The following ZDHHC20 variants were observed in gnomAD, a reference collection of about 807,000 sequenced individuals.
The protein encoded by ZDHHC20 is palmitoyltransferase ZDHHC20.
ZDHHC20 carries 43 observed loss-of-function variants against 57.8 expected under a neutral mutation model. The observed-to-expected ratio is 0.74, with a 90% CI of 0.58 to 0.96. The LOEUF (loss-of-function observed/expected upper bound fraction) is 0.96, where lower values mean the gene tolerates loss of function less well. Among genes scored for constraint, ZDHHC20 ranks in the 40% least tolerant of loss-of-function variants. The pLI is 0.00. For missense variants in ZDHHC20, 391 were observed against 441.1 expected, an observed-to-expected ratio of 0.89 and a Z score of 1.02; for synonymous variants, 157 against 153.0, an observed-to-expected ratio of 1.03 and a Z score of -0.19.
intron 1 of ZDHHC20, among the ~76,000 whole-genome samples, chr13:21,429,493 CTATAGG>C (rs1242247983): frequency 6.6e-6 from 1 of 152,076 alleles, no homozygotes; most frequent in Non-Finnish European, 1.5e-5. Context: ...TGTTTTTCCC[CTATAGG>C]TAAAGTGTCC....
At position 21,393,195 on chromosome 13, in the gene ZDHHC20, T is replaced by C. The variant is rs573786075; in HGVS notation, c.595-1341A>G. On this transcript the variant is annotated intron_variant, in intron 7 of 12. Transcript: ENST00000400590. ...CACATTTCTTTTCTTTTTTCTTTTT[T>C]TTTTTTTTTAAAGATACAAGGTCTT... is the stretch of plus-strand genomic sequence containing the variant. Among the ~76,000 whole-genome samples the C allele has an allele frequency of 5.3e-5, 8 of 151,918 alleles. No individual in the cohort carries two copies. The South Asian group carries it at 1.0e-3, about 20-fold the overall frequency.
At chr13:21,413,010 A>C (rs9578380) in intron 4 of ZDHHC20, among the ~76,000 whole-genome samples, 1,971 of 151,800 alleles carry the variant, frequency 0.013, 41 homozygotes, top group African/African-American at 0.044. Context: ...CAAACAACAA[A>C]AAAAAATTCT....
At position 21,384,000 on chromosome 13, in the gene ZDHHC20, C is replaced by T. The variant is rs117498478; in HGVS notation, c.855-991G>A. On this transcript the variant is annotated intron_variant, in intron 9 of 12. Transcript: ENST00000400590. ...ACGAAATAATTGTTTTCAAAATAGGCAGTAGAGAACTGTGGTCTCAGAACA... is the reference window on the plus strand; with the variant it reads ...ACGAAATAATTGTTTTCAAAATAGGTAGTAGAGAACTGTGGTCTCAGAACA... 9.9e-4 allele frequency among the ~76,000 whole-genome samples: 150 copies of T among 152,036 alleles called. 3 individuals carry two copies. The East Asian group carries it at 0.025, about 25-fold the overall frequency.
At chr13:21,398,617 C>T (rs568397356) in intron 7 of ZDHHC20, among the ~76,000 whole-genome samples, 1 of 152,220 alleles carries the variant, frequency 6.6e-6, no homozygotes, top group African/African-American at 2.4e-5. Context: ...TGATTCTATA[C>T]CTCAGTTTCA....
chr13:21,445,427 A>T (rs1000273545), intron 1 of ZDHHC20, among the ~76,000 whole-genome samples: 1 of 152,224 alleles, frequency 6.6e-6, no homozygotes, highest in African/African-American at 2.4e-5. Flanking sequence ...AACATAAGTG[A>T]ACTGCCTCAG....
chr13:21,410,659 T>G (rs1442350449), intron 4 of ZDHHC20, among the ~76,000 whole-genome samples: 2 of 152,182 alleles, frequency 1.3e-5, no homozygotes, highest in East Asian at 3.9e-4. Context: ...GTTTACACTG[T>G]GAGGGGAAAA....
chr13:21,393,005 T>G (rs551335890), intron 7 of ZDHHC20, among the ~76,000 whole-genome samples: 4 of 152,132 alleles, frequency 2.6e-5, no homozygotes, highest in Admixed American at 6.5e-5. Flanking sequence ...CTTGTGCAAA[T>G]AGAGACATAT....
At chr13:21,379,950 G>A (rs1021062546) in intron 11 of ZDHHC20, among the ~76,000 whole-genome samples, 1 of 151,320 alleles carries the variant, frequency 6.6e-6, no homozygotes, top group Admixed American at 6.6e-5. Flanking sequence ...CGAGTAGCTG[G>A]GACTACAGGC....
intron 1 of ZDHHC20, among the ~76,000 whole-genome samples, chr13:21,428,780 A>G (rs1881583924): frequency 6.6e-6 from 1 of 151,938 alleles, no homozygotes; most frequent in Non-Finnish European, 1.5e-5. Context: ...GAATCGCCTG[A>G]ACCTGGGAGG....
At chr13:21,449,184 CCT>C (rs1884192095) in intron 1 of ZDHHC20, among the ~76,000 whole-genome samples, 3 of 148,080 alleles carry the variant, frequency 2.0e-5, no homozygotes, top group Admixed American at 6.7e-5. Context: ...GCCAAATCCC[CCT>C]CTGTGAGAAA....
At chr13:21,445,226 A>G (rs1883572026) in intron 1 of ZDHHC20, among the ~76,000 whole-genome samples, 1 of 152,194 alleles carries the variant, frequency 6.6e-6, no homozygotes, top group South Asian at 2.1e-4. Context: ...AAATTATTAA[A>G]TATTTTAATG....
chr13:21,457,530 C>G (rs6490658), intron 1 of ZDHHC20, among the ~76,000 whole-genome samples: 151,012 of 152,306 alleles, frequency 0.99, 74,876 homozygotes, highest in Middle Eastern at 1. Context: ...TATCCAAAAG[C>G]ATGAGACTAA....
intron 12 of ZDHHC20, among the ~76,000 whole-genome samples, chr13:21,378,237 G>A (rs556532906): frequency 6.4e-4 from 97 of 151,930 alleles, no homozygotes; most frequent in Non-Finnish European, 1.1e-3. Flanking sequence ...GTCGAGATGA[G>A]GTCTCACTAT....
chr13:21,403,858 T>C (rs1279029368), intron 4 of ZDHHC20, among the ~76,000 whole-genome samples: 1 of 152,054 alleles, frequency 6.6e-6, no homozygotes, highest in African/African-American at 2.4e-5. Flanking sequence ...CAGGTAATTT[T>C]TGTATTTTTA....
At chr13:21,400,232 A>G (rs950640116) in intron 7 of ZDHHC20, 141 bp downstream of exon 7, 75 of 731,874 alleles carry the variant, frequency 1.0e-4, no homozygotes, top group Non-Finnish European at 1.4e-4. Flanking sequence ...TTGTAGCCCT[A>G]TCTGTCCTCT....
intron 1 of ZDHHC20, among the ~76,000 whole-genome samples, chr13:21,436,642 C>T (rs1040461205): frequency 2.6e-5 from 4 of 152,194 alleles, no homozygotes; most frequent in Admixed American, 2.6e-4. Flanking sequence ...AGACATTCCT[C>T]TATCTCTCTC....
At chr13:21,378,052 CTTTTTTT>C (rs1872552491) in intron 12 of ZDHHC20, among the ~76,000 whole-genome samples, 1 of 150,780 alleles carries the variant, frequency 6.6e-6, no homozygotes, top group South Asian at 2.1e-4. Context: ...TTTCTTTTTT[CTTTTTTT>C]GAGACAGGGC....
intron 3 of ZDHHC20, among the ~76,000 whole-genome samples, chr13:21,419,777 C>T (rs1880432721): frequency 6.6e-6 from 1 of 152,128 alleles, no homozygotes; most frequent in African/African-American, 2.4e-5. Flanking sequence ...TGTTCTGTTT[C>T]TTGAATTGGG....
intron 1 of ZDHHC20, among the ~76,000 whole-genome samples, chr13:21,438,235 T>C (rs1392238588): frequency 1.3e-5 from 2 of 152,238 alleles, no homozygotes; most frequent in Non-Finnish European, 2.9e-5. Context: ...AGGCTATCGA[T>C]GCCACAGTGA....
Sources: allele counts gnomAD v4.1 joint callset (sites outside exome capture counted in the v4.1 genomes callset), GRCh38; gene constraint gnomAD v4.1.1; transcripts MANE v1.5; gene names NCBI Gene and HGNC (gene_info 2026-07-23, HGNC 2026-07-21).